The following NSD1 variants were observed in gnomAD, a reference collection of about 807,000 sequenced individuals.
The protein encoded by NSD1 is histone-lysine N-methyltransferase, H3 lysine-36 specific.
A neutral mutation model predicts 242.7 loss-of-function variants in NSD1; 26 were observed. That is an observed-to-expected ratio of 0.11 (90% CI 0.08 to 0.15). NSD1 has a LOEUF of 0.15. Ranked by LOEUF, NSD1 falls within the 10% of genes least tolerant of loss-of-function variation. The pLI is 1.00. For synonymous variants in NSD1, 1,106 were observed against 1,178.1 expected (o/e 0.94, Z 1.25); for missense variants, 2,495 against 3,272.8 (o/e 0.76, Z 5.80).
At chr5:177,208,618 AC>A (rs1307943129) in intron 4 of NSD1, among the ~76,000 whole-genome samples, 1 of 147,302 alleles carries the variant, frequency 6.8e-6, no homozygotes, top group African/African-American at 2.5e-5. Flanking sequence ...GCCTCCACTT[AC>A]TGGGTACAAA....
upstream of NSD1, chr5:177,133,678 C>G (rs1173681009): frequency 6.7e-6 from 1 of 148,852 alleles, no homozygotes; most frequent in East Asian, 2.0e-4. The surrounding 1 kb of genome is among the most constrained non-coding windows in gnomAD (Gnocchi z 6.2). Flanking sequence ...AAGGGGTGCG[C>G]GCGCACTCGG....
intron 2 of NSD1, among the ~76,000 whole-genome samples, chr5:177,139,249 C>G (rs1756605550): frequency 7.0e-6 from 1 of 143,046 alleles, no homozygotes; most frequent in Admixed American, 7.1e-5. Context: ...GAAACTCCCT[C>G]TCAAGAAAAA....
At chr5:177,216,660 A>G (rs1763793779) in intron 5 of NSD1, among the ~76,000 whole-genome samples, 1 of 147,802 alleles carries the variant, frequency 6.8e-6, no homozygotes, top group African/African-American at 2.5e-5. Context: ...GATTTATTTC[A>G]GGGATCTCTG....
chr5:177,273,525 G>T, intron 16 of NSD1, 147 bp from the exon 17 acceptor site: 1 of 649,962 alleles, frequency 1.5e-6, no homozygotes, highest in African/African-American at 1.8e-5. Context: ...TAGCTGTTAT[G>T]TGTTTTCTTT....
At chr5:177,195,248 C>T (rs1053178093) in intron 3 of NSD1, among the ~76,000 whole-genome samples, 5 of 151,970 alleles carry the variant, frequency 3.3e-5, no homozygotes, top group Non-Finnish European at 7.4e-5. Flanking sequence ...TTTGGGAGTC[C>T]GAGGTGGGAG....
intron 2 of NSD1, among the ~76,000 whole-genome samples, chr5:177,144,416 G>A (rs1405384896): frequency 1.3e-5 from 2 of 151,130 alleles, no homozygotes; most frequent in South Asian, 4.2e-4. Flanking sequence ...AAACTTATTT[G>A]ATTAGTAAGA....
In NSD1 at chr5:177,257,817, TTTTTA is replaced by T. The variant is rs10616203; in HGVS notation, c.4966+691_4966+695del. Among the ~76,000 whole-genome samples, 408 of 139,724 alleles carry T rather than the reference TTTTTA, an allele frequency of 2.9e-3. 3 individuals carry two copies. The highest frequency in any genetic ancestry group is 8.2e-3 in the African/African-American group (317 of 38,612). The allele number at this position is 139,724 out of a possible 152,430, so 91.7% of individuals were successfully genotyped here. On this transcript the variant is annotated intron_variant, in intron 13 of 22. Coordinates refer to ENST00000439151, the MANE Select transcript of NSD1 (RefSeq NM_022455.5). ...GAGTGTAGTCTTCCCCTGGGCTTTT[TTTTTA>T]TTTTATTTTATTTTATTTTATTTTT... is the stretch of plus-strand genomic sequence containing the variant.
intron 3 of NSD1, among the ~76,000 whole-genome samples, chr5:177,202,422 AGGGTGGAGT>A (rs771125090): frequency 3.3e-5 from 5 of 152,142 alleles, no homozygotes; most frequent in Admixed American, 6.6e-5. Context: ...CTGTACTGCC[AGGGTGGAGT>A]GCAGTGGCGT....
At chr5:177,147,781 G>A (rs370120670) in intron 2 of NSD1, among the ~76,000 whole-genome samples, 1 of 151,762 alleles carries the variant, frequency 6.6e-6, no homozygotes, top group Non-Finnish European at 1.5e-5. Context: ...GTAGAGATGG[G>A]GTTTCACCAT....
chr5:177,159,335 A>C lies in NSD1; in HGVS notation c.927+23305A>C, dbSNP rs1224043741. On this transcript the variant is annotated intron_variant, in intron 2 of 22. Transcript: ENST00000439151. ...AGTCTCACTCGGTTGTCCAGGCTGG[A>C]GTGCGGTGGCAGTATCTTGGCTCCC... Among the ~76,000 whole-genome samples, 4 of 149,590 alleles carry C rather than the reference A, an allele frequency of 2.7e-5. No homozygotes were observed. The East Asian group carries it at 5.8e-4, about 22-fold the overall frequency.
Position 177,294,689 on chromosome 5 carries a change from C to G in NSD1, c.7321C>G (p.Pro2441Ala), listed in dbSNP as rs1249673539. Residue 2441 changes from proline (P) to alanine (A), a missense_variant, in exon 23 of 23, where the codon CCT (proline) becomes GCT (alanine). Physicochemically the swap from Pro to Ala is conservative, Grantham distance 27. Coordinates refer to ENST00000439151, the MANE Select transcript of NSD1 (RefSeq NM_022455.5). ...TLVAKEKALR[P>A]VDQNTQSKNR... is the part of the protein sequence containing the mutation. ...TGTAGCTAAAGAAAAAGCACTGAGG[C>G]CTGTGGACCAGAATACTCAGTCAAA... The G allele has an allele frequency of 1.9e-6, 3 of 1,614,218 alleles. No homozygotes were observed. The highest frequency in any genetic ancestry group is 3.3e-4 in the Middle Eastern group (2 of 6,062).
At chr5:177,248,768 G>A (rs1341589749) in intron 11 of NSD1, among the ~76,000 whole-genome samples, 1 of 152,086 alleles carries the variant, frequency 6.6e-6, no homozygotes, top group Admixed American at 6.5e-5. Flanking sequence ...TATTTGTAGA[G>A]TATTTACTAT....
At chr5:177,262,169 G>A (rs1037827960) in intron 14 of NSD1, among the ~76,000 whole-genome samples, 1 of 152,148 alleles carries the variant, frequency 6.6e-6, no homozygotes, top group Admixed American at 6.5e-5. Flanking sequence ...TTAATCCTCT[G>A]TAGGGCTGAC....
intron 2 of NSD1, among the ~76,000 whole-genome samples, chr5:177,179,738 A>G (rs1021000696): frequency 6.6e-6 from 1 of 152,196 alleles, no homozygotes; most frequent in African/African-American, 2.4e-5. Flanking sequence ...GATTTTGAGA[A>G]GTCCAGAGGA....
chr5:177,185,334 C>A (rs959443675), intron 2 of NSD1, among the ~76,000 whole-genome samples: 1 of 151,884 alleles, frequency 6.6e-6, no homozygotes, highest in Non-Finnish European at 1.5e-5. Context: ...TGCTGTGGCT[C>A]ACGTCTGTAA....
chr5:177,246,546 C>A (rs565999500), intron 9 of NSD1, 132 bp from the exon 10 acceptor site: 24 of 708,986 alleles, frequency 3.4e-5, no homozygotes, highest in Non-Finnish European at 5.7e-5. Flanking sequence ...TTATTATTTC[C>A]CCCGTTTTCC....
At chr5:177,150,932 C>A (rs1057247971) in intron 2 of NSD1, among the ~76,000 whole-genome samples, 6 of 152,130 alleles carry the variant, frequency 3.9e-5, no homozygotes, top group South Asian at 2.1e-4. Flanking sequence ...AAAAGCATTT[C>A]TTTTTAAAAA....
At chr5:177,217,631 T>C (rs986270435) in intron 5 of NSD1, among the ~76,000 whole-genome samples, 2 of 151,840 alleles carry the variant, frequency 1.3e-5, no homozygotes, top group Non-Finnish European at 2.9e-5. Context: ...AATTACTTTT[T>C]TGTTTGTGTT....
At chr5:177,181,500 A>G (rs1760684410) in intron 2 of NSD1, among the ~76,000 whole-genome samples, 2 of 129,934 alleles carry the variant, frequency 1.5e-5, no homozygotes, top group Non-Finnish European at 3.1e-5. Context: ...ATCTCATCTC[A>G]CTGCAACCTC....
Sources: allele counts gnomAD v4.1 joint callset (sites outside exome capture counted in the v4.1 genomes callset), GRCh38; gene constraint gnomAD v4.1.1; non-coding constraint Gnocchi (gnomAD v3.1); transcripts MANE v1.5; gene names NCBI Gene and HGNC (gene_info 2026-07-23, HGNC 2026-07-21).